The following DENND4C variants were observed in gnomAD, a reference collection of about 807,000 sequenced individuals.
DENND4C encodes the protein DENN domain-containing protein 4C.
Under a neutral mutation model 203.0 loss-of-function variants are expected in DENND4C, and 108 were observed. The ratio of observed to expected loss-of-function variants is 0.53; its 90% CI spans 0.46 to 0.62. The LOEUF (loss-of-function observed/expected upper bound fraction) is 0.62, where lower values mean the gene tolerates loss of function less well. Among genes scored for constraint, DENND4C ranks in the 20% least tolerant of loss-of-function variants. DENND4C has a pLI of 0.00. For synonymous variants in DENND4C, 871 were observed against 792.4 expected, an observed-to-expected ratio of 1.10 and a Z score of -1.67; for missense variants, 2,481 against 2,301.2, an observed-to-expected ratio of 1.08 and a Z score of -1.60.
intron 13 of DENND4C, among the ~76,000 whole-genome samples, chr9:19,324,760 C>A (rs1236767141): frequency 4.6e-5 from 7 of 152,184 alleles, no homozygotes; most frequent in African/African-American, 1.7e-4. Context: ...CATTCTGTTA[C>A]CCAGGCTAGG....
chr9:19,285,203 C>T (rs1360558021), intron 2 of DENND4C, among the ~76,000 whole-genome samples: 1 of 152,034 alleles, frequency 6.6e-6, no homozygotes, highest in Non-Finnish European at 1.5e-5. Context: ...TCTTCTGTTT[C>T]ATTGTCTTTC....
intron 5 of DENND4C, among the ~76,000 whole-genome samples, chr9:19,295,601 C>T (rs1339258214): frequency 1.6e-4 from 23 of 143,754 alleles, no homozygotes; most frequent in South Asian, 4.4e-4. Context: ...ACCTGGGAGG[C>T]GGAGGTTGCA....
intron 22 of DENND4C, among the ~76,000 whole-genome samples, chr9:19,344,120 A>G (rs577633918): frequency 1.3e-4 from 20 of 152,350 alleles, no homozygotes; most frequent in Middle Eastern, 3.4e-3. Flanking sequence ...CTTGAAATCA[A>G]TCTTGAAGTT....
intron 2 of DENND4C, among the ~76,000 whole-genome samples, chr9:19,282,873 C>T (rs1299908300): frequency 6.6e-6 from 1 of 151,758 alleles, no homozygotes. Context: ...TCTGCCACCA[C>T]ACCTGGCTAA....
At chr9:19,291,836 G>A (rs1277909383) in intron 5 of DENND4C, among the ~76,000 whole-genome samples, 1 of 151,906 alleles carries the variant, frequency 6.6e-6, no homozygotes, top group Non-Finnish European at 1.5e-5. Flanking sequence ...GTAGCAGATA[G>A]AACTAGAAGG....
At chr9:19,294,584 C>G (rs942378335) in intron 5 of DENND4C, among the ~76,000 whole-genome samples, 4 of 152,070 alleles carry the variant, frequency 2.6e-5, no homozygotes, top group Admixed American at 2.6e-4. Flanking sequence ...TACTTGTACG[C>G]CAATGTTTGT....
At chr9:19,247,274 G>A (rs188201229) in intron 1 of DENND4C, among the ~76,000 whole-genome samples, 15 of 152,250 alleles carry the variant, frequency 9.9e-5, no homozygotes, top group Non-Finnish European at 4.4e-5. Context: ...GTATTCGTCA[G>A]TTAGTATTTG....
At chr9:19,278,074 C>CTTTTTTTT (rs34167347) in intron 2 of DENND4C, among the ~76,000 whole-genome samples, 2 of 120,294 alleles carry the variant, frequency 1.7e-5, no homozygotes, top group Non-Finnish European at 3.5e-5. Flanking sequence ...CCTTTTTTTT[C>CTTTTTTTT]TTTTTTTTTT....
rs1204983579 is a variant in DENND4C at position 19,336,850 on chromosome 9, T to G, written c.2881+18T>G. On this transcript the variant is annotated intron_variant, in intron 20 of 32. Transcript: ENST00000434457. ...TAGCACAGGTACTAAAATCCAGATTTTACTAACCCTTCACTTACTCTCATG... is the reference window on the plus strand; with the variant it reads ...TAGCACAGGTACTAAAATCCAGATTGTACTAACCCTTCACTTACTCTCATG... The G allele has an allele frequency of 1.9e-6, 3 of 1,542,332 alleles. No individual in the cohort carries two copies. The highest frequency in any genetic ancestry group is 2.6e-6 in the Non-Finnish European group (3 of 1,143,206).
Position 19,273,187 on chromosome 9 carries a change from G to A in DENND4C, c.-17-2971G>A, listed in dbSNP as rs180673768. Among the ~76,000 whole-genome samples, 94 of 151,642 alleles carry A rather than the reference G, an allele frequency of 6.2e-4. 2 individuals are homozygous for A. The highest frequency in any genetic ancestry group is 3.4e-3 in the Middle Eastern group (1 of 294). On this transcript the variant is annotated intron_variant, in intron 1 of 32. Coordinates refer to ENST00000434457, the MANE Select transcript of DENND4C (RefSeq NM_001330640.2). ...CAGATGGTCTCAATCTCCTGACCTC[G>A]TGATCCACCTGCCTCGGCCTCCCAA...
At position 19,360,260 on chromosome 9, in the gene DENND4C, G is replaced by A. The variant is rs1274325929; in HGVS notation, c.5177G>A (p.Arg1726Lys). Residue 1726 changes from arginine (R) to lysine (K), a missense_variant, in exon 29 of 33, where the codon AGA (arginine) becomes AAA (lysine). By Grantham distance (26) the Arg-to-Lys change is conservative (BLOSUM62 2). Transcript: ENST00000434457. ...TTTTTTAAGGATCCTTTAGGAAAAAGACCCAATCCTCCCCCTGTTTCTGTG... is the reference window on the plus strand; with the variant it reads ...TTTTTTAAGGATCCTTTAGGAAAAAAACCCAATCCTCCCCCTGTTTCTGTG... ...LQEVVDPLGK[R>K]PNPPPVSVPY... 6.8e-6 allele frequency: 11 copies of A among 1,612,304 alleles called. No individual in the cohort carries two copies. The highest frequency in any genetic ancestry group is 1.3e-5 in the African/African-American group (1 of 74,718).
intron 1 of DENND4C, among the ~76,000 whole-genome samples, chr9:19,254,640 A>G (rs1827480329): frequency 6.6e-6 from 1 of 152,118 alleles, no homozygotes; most frequent in Non-Finnish European, 1.5e-5. Context: ...ACTATAGTTG[A>G]TTATACTGTA....
chr9:19,301,721 G>A (rs1272757809), intron 9 of DENND4C, among the ~76,000 whole-genome samples: 4 of 152,136 alleles, frequency 2.6e-5, no homozygotes, highest in East Asian at 3.9e-4. Flanking sequence ...GGCAGATCAC[G>A]AGGTCAAGAG....
At chr9:19,246,292 C>G (rs7035784) in intron 1 of DENND4C, among the ~76,000 whole-genome samples, 1 of 151,978 alleles carries the variant, frequency 6.6e-6, no homozygotes, top group Non-Finnish European at 1.5e-5. Context: ...AAAACAAATA[C>G]GCTAGCTCGT....
At chr9:19,242,033 G>C (rs1588717892) in intron 1 of DENND4C, among the ~76,000 whole-genome samples, 1 of 152,104 alleles carries the variant, frequency 6.6e-6, no homozygotes, top group Admixed American at 6.6e-5. Flanking sequence ...ATTATTGTGA[G>C]AAATAGTTTC....
chr9:19,370,053 C>A (rs1828492163), intron 31 of DENND4C, 66 bp downstream of exon 31: 3 of 1,565,232 alleles, frequency 1.9e-6, no homozygotes, highest in Middle Eastern at 1.7e-4. Context: ...AAATATCTTA[C>A]TTTTAAAAAT....
chr9:19,255,755 C>G (rs1225397756), intron 1 of DENND4C, among the ~76,000 whole-genome samples: 2 of 152,108 alleles, frequency 1.3e-5, no homozygotes, highest in African/African-American at 2.4e-5. Context: ...GAGAAAAAGA[C>G]AAATCCATAA....
intron 20 of DENND4C, among the ~76,000 whole-genome samples, chr9:19,338,668 A>G: frequency 6.6e-6 from 1 of 152,180 alleles, no homozygotes; most frequent in East Asian, 1.9e-4. Flanking sequence ...AGAGTCACTT[A>G]GCTGTTAGGG....
chr9:19,301,191 A>G (rs1002375022), intron 9 of DENND4C, among the ~76,000 whole-genome samples: 70 of 152,186 alleles, frequency 4.6e-4, no homozygotes, highest in African/African-American at 1.6e-3. Context: ...AAAAAAAAAA[A>G]AGACTGAAGA....
Sources: allele counts gnomAD v4.1 joint callset (sites outside exome capture counted in the v4.1 genomes callset), GRCh38; gene constraint gnomAD v4.1.1; transcripts MANE v1.5; gene names NCBI Gene and HGNC (gene_info 2026-07-23, HGNC 2026-07-21).